The following USH2A variants were observed in gnomAD, a reference collection of about 807,000 sequenced individuals.
USH2A encodes the protein usherin, also known as Usher syndrome 2A (autosomal recessive, mild).
A neutral mutation model predicts 538.9 loss-of-function variants in USH2A; 443 were observed. The ratio of observed to expected loss-of-function variants is 0.82; its 90% CI spans 0.76 to 0.89. The LOEUF (loss-of-function observed/expected upper bound fraction) is 0.89, where lower values mean the gene tolerates loss of function less well. Ranked by LOEUF, USH2A falls within the 40% of genes least tolerant of loss-of-function variation. The probability of loss-of-function intolerance (pLI) is 0.00; values close to 1 mark genes in which losing one functional copy is unlikely to be tolerated. For missense variants in USH2A, 6,633 were observed against 6,324.8 expected, an observed-to-expected ratio of 1.05 and a Z score of -1.65; for synonymous variants, 2,413 against 2,273.5, an observed-to-expected ratio of 1.06 and a Z score of -1.75.
intron 47 of USH2A, among the ~76,000 whole-genome samples, chr1:215,837,237 A>C (rs2102815994): frequency 6.6e-6 from 1 of 152,008 alleles, no homozygotes; most frequent in South Asian, 2.1e-4. Context: ...TAATAGACTT[A>C]TTATTTCAGT....
intron 6 of USH2A, among the ~76,000 whole-genome samples, chr1:216,324,874 T>C (rs2037697742): frequency 6.6e-6 from 1 of 152,182 alleles, no homozygotes; most frequent in African/African-American, 2.4e-5. Flanking sequence ...CAAATAGATA[T>C]GTCCAAGTAC....
chr1:216,190,167 T>TAA, intron 20 of USH2A, 56 bp downstream of exon 20: 1 of 1,607,582 alleles, frequency 6.2e-7, no homozygotes, highest in South Asian at 1.1e-5. Flanking sequence ...TTGAATATTA[T>TAA]AAGTTTTTTT....
intron 21 of USH2A, among the ~76,000 whole-genome samples, chr1:216,118,440 C>CCTTAG (rs1344156871): frequency 6.6e-6 from 1 of 152,064 alleles, no homozygotes; most frequent in Non-Finnish European, 1.5e-5. Flanking sequence ...GGAACAGGAG[C>CCTTAG]CTTAGCATCC....
intron 37 of USH2A, among the ~76,000 whole-genome samples, chr1:215,939,261 A>C (rs1390716517): frequency 6.6e-6 from 1 of 152,146 alleles, no homozygotes; most frequent in African/African-American, 2.4e-5. Flanking sequence ...AAGATAAAAT[A>C]AGTTTTGCAT....
intron 45 of USH2A, among the ~76,000 whole-genome samples, chr1:215,845,165 C>T (rs1162540830): frequency 6.6e-6 from 1 of 152,026 alleles, no homozygotes; most frequent in Admixed American, 6.6e-5. Context: ...TTGTGATCTA[C>T]CCTATTTTAT....
chr1:215,794,600 CAGAA>C (rs1341726255), intron 50 of USH2A, among the ~76,000 whole-genome samples: 1 of 152,118 alleles, frequency 6.6e-6, no homozygotes, highest in Non-Finnish European at 1.5e-5. Flanking sequence ...GTGCAACCTG[CAGAA>C]AGAAAGTCAA....
Position 216,364,776 on chromosome 1 carries a change from A to G in USH2A, c.784+177T>C, listed in dbSNP as rs2038562347. On this transcript the variant is annotated intron_variant, in intron 4 of 71. Transcript: ENST00000307340. ...CCTTAATTTCTGACTTCCAGCTTCCAAAACTGTGAAAAAATAAATTTTACT... is the reference window on the plus strand; with the variant it reads ...CCTTAATTTCTGACTTCCAGCTTCCGAAACTGTGAAAAAATAAATTTTACT... Among the ~76,000 whole-genome samples, 2 of 151,938 alleles carry G rather than the reference A, an allele frequency of 1.3e-5. 1 individual carries two copies. Among genetic ancestry groups the G allele is most frequent in the Admixed American group, 1.3e-4 (2 of 15,258 alleles).
intron 4 of USH2A, among the ~76,000 whole-genome samples, chr1:216,328,801 T>C (rs539369271): frequency 6.6e-6 from 1 of 151,890 alleles, no homozygotes; most frequent in South Asian, 2.1e-4. Context: ...CTAAAAAGAG[T>C]ATGTGTCTGT....
chr1:216,300,636 T>C (rs566029583), intron 9 of USH2A, among the ~76,000 whole-genome samples: 1 of 152,262 alleles, frequency 6.6e-6, no homozygotes, highest in African/African-American at 2.4e-5. Flanking sequence ...TAAACTGAAG[T>C]ATAGTGTTTC....
At chr1:215,777,020 C>T (rs35348839) in intron 55 of USH2A, among the ~76,000 whole-genome samples, 3 of 152,094 alleles carry the variant, frequency 2.0e-5, no homozygotes, top group African/African-American at 7.2e-5. Context: ...GAAATACTCT[C>T]TAAATCTATT....
intron 21 of USH2A, among the ~76,000 whole-genome samples, chr1:216,162,912 C>A: frequency 6.6e-6 from 1 of 152,148 alleles, no homozygotes; most frequent in East Asian, 1.9e-4. Context: ...AGAATTGTTA[C>A]ACAGAATTTT....
At chr1:216,215,342 C>G (rs530015051) in intron 15 of USH2A, among the ~76,000 whole-genome samples, 23 of 152,044 alleles carry the variant, frequency 1.5e-4, no homozygotes, top group Non-Finnish European at 2.9e-4. Flanking sequence ...AGAGGTAGTT[C>G]ACTGTGTCAG....
intron 21 of USH2A, among the ~76,000 whole-genome samples, chr1:216,121,580 C>T (rs1002731763): frequency 6.6e-6 from 1 of 151,994 alleles, no homozygotes; most frequent in Non-Finnish European, 1.5e-5. Context: ...CATGTTGTTG[C>T]GTATTAATGA....
intron 11 of USH2A, among the ~76,000 whole-genome samples, chr1:216,270,476 C>T (rs927194214): frequency 6.6e-6 from 1 of 152,124 alleles, no homozygotes; most frequent in African/African-American, 2.4e-5. Flanking sequence ...TCTAACTCCT[C>T]TTCTTCCTTT....
In USH2A at chr1:216,252,884, A is replaced by G. The variant is rs746680427; in HGVS notation, c.1972-1786T>C. Among the ~76,000 whole-genome samples, 4 of 152,192 alleles carry G rather than the reference A, an allele frequency of 2.6e-5. No individual in the cohort carries two copies. In the South Asian group the frequency reaches 6.2e-4, roughly 24 times the overall value. On this transcript the variant is annotated intron_variant, in intron 11 of 71. Transcript: ENST00000307340. ...TATAGGCATACCATGAAAATCCAAT[A>G]GGCGTGTGGGTACATACTTGTAACA...
intron 61 of USH2A, among the ~76,000 whole-genome samples, chr1:215,709,040 C>G (rs561927015): frequency 6.6e-4 from 100 of 152,230 alleles, no homozygotes; most frequent in African/African-American, 2.3e-3. Flanking sequence ...CAGTCTGATT[C>G]TCCTTCCTTC....
intron 21 of USH2A, among the ~76,000 whole-genome samples, chr1:216,167,352 T>C (rs1024323635): frequency 5.3e-5 from 8 of 152,000 alleles, no homozygotes; most frequent in African/African-American, 1.9e-4. Flanking sequence ...TCCCTATAGA[T>C]AGAAACACCT....
In USH2A at chr1:215,928,605, C is replaced by T. The variant is rs116826493; in HGVS notation, c.7300+6011G>A. ...CTTTTTGACTTGGGCAAGAAATTTG[C>T]TTTGGACAGTTTGAGGCAAGCAAAG... On this transcript the variant is annotated intron_variant, in intron 38 of 71. Coordinates refer to ENST00000307340, the MANE Select transcript of USH2A (RefSeq NM_206933.4). Among the ~76,000 whole-genome samples the T allele has an allele frequency of 9.8e-3, 1,489 of 152,104 alleles. 20 individuals carry two copies. Among genetic ancestry groups the T allele is most frequent in the African/African-American group, 0.035 (1,437 of 41,490 alleles).
intron 56 of USH2A, among the ~76,000 whole-genome samples, chr1:215,761,151 G>A (rs1660969929): frequency 6.6e-6 from 1 of 152,008 alleles, no homozygotes; most frequent in Admixed American, 6.6e-5. Flanking sequence ...CGGTTCCTTT[G>A]GCCTGGAACA....
Sources: gnomAD v4.1 joint callset for allele counts (sites outside exome capture counted in the v4.1 genomes callset) on GRCh38, gnomAD v4.1.1 for gene constraint, MANE v1.5 for transcripts, NCBI Gene and HGNC (gene_info 2026-07-23, HGNC 2026-07-21) for gene names.